The following NTNG1 variants were observed in gnomAD, a reference collection of about 807,000 sequenced individuals.
NTNG1 encodes netrin-G1.
Under a neutral mutation model 54.0 loss-of-function variants are expected in NTNG1, and 16 were observed. The observed-to-expected ratio is 0.30, with a 90% CI of 0.20 to 0.45. The LOEUF is 0.45. Among genes scored for constraint, NTNG1 ranks in the 20% least tolerant of loss-of-function variants. The pLI is 1.00. For synonymous variants in NTNG1, 255 were observed against 263.1 expected, an observed-to-expected ratio of 0.97 and a Z score of 0.30; for missense variants, 530 against 678.7, an observed-to-expected ratio of 0.78 and a Z score of 2.43.
chr1:107,174,594 A>T (rs1037489324), intron 2 of NTNG1, among the ~76,000 whole-genome samples: 3 of 151,966 alleles, frequency 2.0e-5, no homozygotes, highest in African/African-American at 7.3e-5. Context: ...TATGACAGCA[A>T]TTAACACAGT....
At chr1:107,145,282 T>C (rs1437099927) in intron 1 of NTNG1, among the ~76,000 whole-genome samples, 1 of 152,084 alleles carries the variant, frequency 6.6e-6, no homozygotes, top group Non-Finnish European at 1.5e-5. Flanking sequence ...TATACTTTAA[T>C]AACAAATTCC....
At chr1:107,257,597 G>A (rs925719255) in intron 2 of NTNG1, among the ~76,000 whole-genome samples, 2 of 152,198 alleles carry the variant, frequency 1.3e-5, no homozygotes, top group African/African-American at 4.8e-5. Flanking sequence ...ATTTGGAATT[G>A]ATTGTGAATA....
chr1:107,319,971 T>G (rs990505690), intron 2 of NTNG1, among the ~76,000 whole-genome samples: 1 of 151,880 alleles, frequency 6.6e-6, no homozygotes, highest in Non-Finnish European at 1.5e-5. Context: ...GAAAGACACC[T>G]TCCATCAATA....
chr1:107,184,588 CA>C (rs1557789127), intron 2 of NTNG1, among the ~76,000 whole-genome samples: 1 of 152,058 alleles, frequency 6.6e-6, no homozygotes, highest in African/African-American at 2.4e-5. Flanking sequence ...CTTCCTGTAT[CA>C]ATTTATATAT....
At chr1:107,314,830 A>G (rs1667240419) in intron 2 of NTNG1, among the ~76,000 whole-genome samples, 1 of 152,230 alleles carries the variant, frequency 6.6e-6, no homozygotes, top group African/African-American at 2.4e-5. Flanking sequence ...TAAATTTAGC[A>G]AGTAATAACT....
chr1:107,312,173 A>C (rs1667056867), intron 2 of NTNG1, among the ~76,000 whole-genome samples: 1 of 152,174 alleles, frequency 6.6e-6, no homozygotes, highest in Admixed American at 6.5e-5. Context: ...TATTTTTAAA[A>C]AATTAACGAA....
intron 5 of NTNG1, among the ~76,000 whole-genome samples, chr1:107,422,997 C>T (rs1674667626): frequency 6.6e-6 from 1 of 151,982 alleles, no homozygotes; most frequent in South Asian, 2.1e-4. Context: ...TCTTGATTTC[C>T]TGGAAATCTC....
At chr1:107,307,110 A>C (rs1161290709) in intron 2 of NTNG1, among the ~76,000 whole-genome samples, 1 of 152,250 alleles carries the variant, frequency 6.6e-6, no homozygotes, top group African/African-American at 2.4e-5. Context: ...GATAGGTATG[A>C]TAGTACAATC....
chr1:107,310,017 C>T (rs1666910936), intron 2 of NTNG1, among the ~76,000 whole-genome samples: 1 of 152,070 alleles, frequency 6.6e-6, no homozygotes, highest in South Asian at 2.1e-4. Context: ...CCTAGGGAAC[C>T]ATGAAAATTA....
At chr1:107,335,417 A>G (rs1479999772) in intron 3 of NTNG1, among the ~76,000 whole-genome samples, 1 of 151,994 alleles carries the variant, frequency 6.6e-6, no homozygotes, top group African/African-American at 2.4e-5. Context: ...AGCTGAGGAG[A>G]CATGGAAACA....
chr1:107,231,563 T>A (rs1661073718), intron 2 of NTNG1, among the ~76,000 whole-genome samples: 1 of 152,014 alleles, frequency 6.6e-6, no homozygotes, highest in Non-Finnish European at 1.5e-5. Flanking sequence ...TATGAGTAGG[T>A]TAGATTATCA....
At chr1:107,361,392 T>TATATTTTA in intron 3 of NTNG1, among the ~76,000 whole-genome samples, 1 of 23,446 alleles carries the variant, frequency 4.3e-5, no homozygotes, top group Admixed American at 8.3e-4. Flanking sequence ...TATATATATA[T>TATATTTTA]TTTTTTTTTT....
rs182489601 is a variant in NTNG1, at chr1:107,484,273, G to A, written c.*3433G>A. Among the ~76,000 whole-genome samples, 1 of 152,164 alleles carries A rather than the reference G, an allele frequency of 6.6e-6. No individual in the cohort carries two copies. The highest frequency in any genetic ancestry group is 2.4e-5 in the African/African-American group (1 of 41,422). On this transcript the variant is annotated 3_prime_UTR_variant, in exon 8 of 8. Transcript: ENST00000370068. Reference sequence around the variant, plus strand: ...CAGGGCTGAAAAATAAAGGGATGAGGGGTAGGAAGGAGATAGACAAGGGCT... The same window carrying A: ...CAGGGCTGAAAAATAAAGGGATGAGAGGTAGGAAGGAGATAGACAAGGGCT...
rs533936775 is a variant in NTNG1, at chr1:107,468,873, G to A, written c.1391-11738G>A. Among the ~76,000 whole-genome samples the A allele has an allele frequency of 4.6e-5, 7 of 152,192 alleles. No individual in the cohort carries two copies. The East Asian group carries it at 9.7e-4, about 21-fold the overall frequency. ...AGCACTTTGGGAGGCCAAGGTGGGCGGATCATGAGGTCAGGAGTTTGAGAC... is the reference window on the plus strand; with the variant it reads ...AGCACTTTGGGAGGCCAAGGTGGGCAGATCATGAGGTCAGGAGTTTGAGAC... On this transcript the variant is annotated intron_variant, in intron 7 of 7. Coordinates refer to ENST00000370068, the MANE Select transcript of NTNG1 (RefSeq NM_001113226.3).
intron 5 of NTNG1, among the ~76,000 whole-genome samples, chr1:107,417,938 A>T (rs1557983152): frequency 1.3e-5 from 2 of 152,066 alleles, no homozygotes; most frequent in Admixed American, 6.6e-5. Flanking sequence ...AACTCTAGGA[A>T]CATATTTTGA....
chr1:107,476,663 C>T (rs1343976981), intron 7 of NTNG1, among the ~76,000 whole-genome samples: 1 of 152,192 alleles, frequency 6.6e-6, no homozygotes, highest in Non-Finnish European at 1.5e-5. Context: ...GTTCTAACCT[C>T]GTCCAAGTCC....
intron 2 of NTNG1, among the ~76,000 whole-genome samples, chr1:107,198,069 A>G (rs1658470513): frequency 6.6e-6 from 1 of 151,990 alleles, no homozygotes; most frequent in African/African-American, 2.4e-5. Flanking sequence ...CATTTTCAAT[A>G]TTTCAGTAAA....
Position 107,294,692 on chromosome 1 carries a change from G to A in NTNG1, c.247-29590G>A, listed in dbSNP as rs1557876238. Among the ~76,000 whole-genome samples the A allele has an allele frequency of 2.0e-5, 3 of 152,162 alleles. 1 individual carries two copies. The South Asian group carries it at 6.2e-4, about 31-fold the overall frequency. On this transcript the variant is annotated intron_variant, in intron 2 of 7. Coordinates refer to ENST00000370068, the MANE Select transcript of NTNG1 (RefSeq NM_001113226.3). The stretch of plus-strand genomic sequence containing the variant: ...TCTAAAAAAGTGGTCAATTTGGTGA[G>A]ATTCATGTTTAAGAGGGCAGAGTAG...
chr1:107,398,699 T>C (rs1050428649), intron 4 of NTNG1, among the ~76,000 whole-genome samples: 2 of 152,200 alleles, frequency 1.3e-5, no homozygotes, highest in African/African-American at 2.4e-5. Flanking sequence ...CATGCACATG[T>C]ATATCAAAAT....
Sources: allele counts gnomAD v4.1 joint callset (sites outside exome capture counted in the v4.1 genomes callset), GRCh38; gene constraint gnomAD v4.1.1; transcripts MANE v1.5; gene names NCBI Gene and HGNC (gene_info 2026-07-23, HGNC 2026-07-21).